Variants in GRM3 observed in about 807,000 individuals in gnomAD.
The protein encoded by GRM3 is metabotropic glutamate receptor 3.
In GRM3, 26 loss-of-function variants were observed where a neutral mutation model predicts 70.5. That is an observed-to-expected ratio of 0.37 (90% CI 0.27 to 0.51). The LOEUF is 0.51. Ranked by LOEUF, GRM3 falls within the 20% of genes least tolerant of loss-of-function variation. GRM3 has a pLI of 0.93. For synonymous variants in GRM3, 443 were observed against 434.9 expected, an observed-to-expected ratio of 1.02 and a Z score of -0.23; for missense variants, 859 against 1,123.8, an observed-to-expected ratio of 0.76 and a Z score of 3.37.
chr7:86,773,985 G>T (rs952517558), intron 2 of GRM3, among the ~76,000 whole-genome samples: 1 of 152,084 alleles, frequency 6.6e-6, no homozygotes, highest in African/African-American at 2.4e-5. Flanking sequence ...TATGATGGAG[G>T]TCACGCGATA....
chr7:86,776,531 T>A (rs1014176727), intron 2 of GRM3, among the ~76,000 whole-genome samples: 4 of 151,932 alleles, frequency 2.6e-5, no homozygotes, highest in African/African-American at 7.3e-5. Flanking sequence ...GATAATCATT[T>A]AAGGAAATAT....
chr7:86,774,133 G>A (rs1796820312), intron 2 of GRM3, among the ~76,000 whole-genome samples: 1 of 152,078 alleles, frequency 6.6e-6, no homozygotes, highest in South Asian at 2.1e-4. Context: ...ATGACACAAA[G>A]TTCTCTTTCC....
intron 1 of GRM3, among the ~76,000 whole-genome samples, chr7:86,729,670 G>A (rs868406746): frequency 6.6e-6 from 1 of 152,122 alleles, no homozygotes; most frequent in Non-Finnish European, 1.5e-5. Flanking sequence ...CAGGATCTGA[G>A]TGAATTATTT....
Position 86,779,361 on chromosome 7 carries a change from G to A in GRM3, c.469-6900G>A, listed in dbSNP as rs547602392. 7.2e-4 allele frequency among the ~76,000 whole-genome samples: 110 copies of A among 152,214 alleles called. 1 individual carries two copies. The highest frequency in any genetic ancestry group is 6.4e-3 in the South Asian group (31 of 4,824). ...AATTGTTTATCAGTCATATTTCAGA[G>A]TGGCTTCATATTGCCTGCTGGTGGT... is the stretch of plus-strand genomic sequence containing the variant. On this transcript the variant is annotated intron_variant, in intron 2 of 5. Transcript: ENST00000361669.
chr7:86,795,467 C>A (rs141675602), intron 3 of GRM3, among the ~76,000 whole-genome samples: 1 of 151,982 alleles, frequency 6.6e-6, no homozygotes, highest in East Asian at 1.9e-4. Context: ...CCCCCTGCAC[C>A]CCGACAGGCC....
At chr7:86,653,182 GC>G (rs1793650108) in intron 1 of GRM3, among the ~76,000 whole-genome samples, 1 of 152,138 alleles carries the variant, frequency 6.6e-6, no homozygotes, top group South Asian at 2.1e-4. Flanking sequence ...GGTGCTCTGG[GC>G]TCTCCTCCTC....
chr7:86,773,675 C>T (rs1452218430), intron 2 of GRM3, among the ~76,000 whole-genome samples: 1 of 152,136 alleles, frequency 6.6e-6, no homozygotes, highest in Non-Finnish European at 1.5e-5. Flanking sequence ...CCTGCTTCAA[C>T]TCCTCCAAGA....
intron 1 of GRM3, among the ~76,000 whole-genome samples, chr7:86,700,430 C>G (rs1416673089): frequency 6.6e-6 from 1 of 151,782 alleles, no homozygotes; most frequent in African/African-American, 2.4e-5. Context: ...GAAATGAGAG[C>G]CTACAATCTT....
At chr7:86,737,454 G>A (rs1243653731) in intron 1 of GRM3, among the ~76,000 whole-genome samples, 1 of 152,164 alleles carries the variant, frequency 6.6e-6, no homozygotes, top group Non-Finnish European at 1.5e-5. Context: ...CTGAACACTG[G>A]CTACTGCATT....
At chr7:86,716,346 A>T (rs536072695) in intron 1 of GRM3, among the ~76,000 whole-genome samples, 1 of 152,118 alleles carries the variant, frequency 6.6e-6, no homozygotes, top group South Asian at 2.1e-4. Context: ...CTGAGTTCTT[A>T]TGTTACTTAG....
In GRM3 at chr7:86,839,642, G is replaced by A. The variant is rs757873479; in HGVS notation, c.2128G>A (p.Glu710Lys). ...IVMVSVWLIL[E>K]APGTRRYTLA... Reference sequence around the variant, plus strand: ...GATGGTGTCTGTGTGGCTCATCCTGGAGGCCCCAGGCACCAGGAGGTATAC... The same window carrying A: ...GATGGTGTCTGTGTGGCTCATCCTGAAGGCCCCAGGCACCAGGAGGTATAC... Residue 710 changes from glutamate (E) to lysine (K), a missense_variant, in exon 4 of 6, where the codon GAG becomes AAG. Coordinates refer to ENST00000361669, the MANE Select transcript of GRM3 (RefSeq NM_000840.3). The surrounding 1 kb of genome is among the most constrained non-coding windows in gnomAD (Gnocchi z 4.5). The A allele has an allele frequency of 6.2e-7, 1 of 1,613,866 alleles. No homozygotes were observed. The highest frequency in any genetic ancestry group is 8.5e-7 in the Non-Finnish European group (1 of 1,179,866).
chr7:86,800,253 C>T (rs865945059), intron 3 of GRM3, among the ~76,000 whole-genome samples: 15 of 152,188 alleles, frequency 9.9e-5, no homozygotes, highest in Middle Eastern at 6.8e-3. Flanking sequence ...AGCAATCAAA[C>T]CCCAAAGTTA....
intron 1 of GRM3, among the ~76,000 whole-genome samples, chr7:86,758,818 A>G (rs924971866): frequency 1.3e-5 from 2 of 152,164 alleles, no homozygotes; most frequent in African/African-American, 4.8e-5. Context: ...TCAAGGTCGA[A>G]TAGTGAAGTC....
At chr7:86,653,686 CATTAT>C (rs1419344360) in intron 1 of GRM3, among the ~76,000 whole-genome samples, 2 of 149,272 alleles carry the variant, frequency 1.3e-5, no homozygotes, top group East Asian at 3.9e-4. Context: ...TGTATTTTAT[CATTAT>C]ATTAATATTA....
chr7:86,833,050 C>T, intron 3 of GRM3: 1 of 978,728 alleles, frequency 1.0e-6, no homozygotes, highest in South Asian at 4.7e-5. Flanking sequence ...GTTGCAACAC[C>T]AGTGAAAGGT....
chr7:86,844,693 T>C (rs1414142632), intron 4 of GRM3, among the ~76,000 whole-genome samples: 1 of 152,116 alleles, frequency 6.6e-6, no homozygotes, highest in East Asian at 1.9e-4. Flanking sequence ...ATGGAGATGG[T>C]TAGAAGTAGA....
chr7:86,698,473 C>T (rs1794876099), intron 1 of GRM3, among the ~76,000 whole-genome samples: 1 of 150,002 alleles, frequency 6.7e-6, no homozygotes, highest in Non-Finnish European at 1.5e-5. Context: ...TCCTCCCTTT[C>T]CACAGCCCTT....
chr7:86,652,409 C>G (rs1793629662), intron 1 of GRM3, among the ~76,000 whole-genome samples: 1 of 152,178 alleles, frequency 6.6e-6, no homozygotes, highest in African/African-American at 2.4e-5. Context: ...CGGCTCACTG[C>G]AACTTCCGCC....
At chr7:86,717,795 A>G (rs77679689) in intron 1 of GRM3, among the ~76,000 whole-genome samples, 1 of 151,948 alleles carries the variant, frequency 6.6e-6, no homozygotes, top group African/African-American at 2.4e-5. Context: ...TGAAATATTA[A>G]AGAACAGGTA....
Sources: gnomAD v4.1 joint callset for allele counts (sites outside exome capture counted in the v4.1 genomes callset) on GRCh38, gnomAD v4.1.1 for gene constraint, Gnocchi (gnomAD v3.1) non-coding constraint, MANE v1.5 for transcripts, NCBI Gene and HGNC (gene_info 2026-07-23, HGNC 2026-07-21) for gene names.